CHL1: variants seen among roughly 807,000 people sequenced by gnomAD.
The protein encoded by CHL1 is neural cell adhesion molecule L1-like protein.
Under a neutral mutation model 141.9 loss-of-function variants are expected in CHL1, and 96 were observed. The ratio of observed to expected loss-of-function variants is 0.68; its 90% confidence interval spans 0.57 to 0.80. CHL1 has a LOEUF of 0.80. Among genes scored for constraint, CHL1 ranks in the 30% least tolerant of loss-of-function variants. The probability of loss-of-function intolerance (pLI) is 0.00; values close to 1 mark genes in which losing one functional copy is unlikely to be tolerated. For missense variants in CHL1, 1,820 were observed against 1,457.2 expected, an observed-to-expected ratio of 1.25 and a Z score of -4.05; for synonymous variants, 613 against 502.2, an observed-to-expected ratio of 1.22 and a Z score of -2.95.
chr3:269,743 C>T (rs1695473624), intron 2 of CHL1, among the ~76,000 whole-genome samples: 1 of 152,194 alleles, frequency 6.6e-6, no homozygotes. Context: ...TCACGCTGGT[C>T]TCAAACTTCT....
At chr3:388,660 T>A (rs1341600244) in intron 19 of CHL1, among the ~76,000 whole-genome samples, 1 of 151,810 alleles carries the variant, frequency 6.6e-6, no homozygotes, top group African/African-American at 2.4e-5. Flanking sequence ...AAATAAAGAA[T>A]GGTCAAGGAG....
chr3:367,221 G>C (rs1705015068), intron 15 of CHL1, among the ~76,000 whole-genome samples: 1 of 152,168 alleles, frequency 6.6e-6, no homozygotes, highest in Non-Finnish European at 1.5e-5. Context: ...ACTAAGTAAG[G>C]GTTAAAACTT....
In CHL1 at chr3:319,744, A is replaced by G; in HGVS notation, c.-33A>G. ...AGTGAGAGGAGACATTAAGATTTTC[A>G]TTCTTACCGGGTTGTCTTCTTCCTG... is the stretch of plus-strand genomic sequence containing the variant. On this transcript the variant is annotated 5_prime_UTR_variant, in exon 3 of 28. Transcript: ENST00000256509. 1 of 1,440,012 alleles carries G rather than the reference A, an allele frequency of 6.9e-7. No homozygotes were observed. The highest frequency in any genetic ancestry group is 1.2e-5 in the South Asian group (1 of 85,624). 89.2% of individuals were successfully genotyped at this position (1,440,012 alleles called of 1,614,324 possible).
chr3:233,689 G>T (rs533226750), intron 1 of CHL1, among the ~76,000 whole-genome samples: 1 of 151,978 alleles, frequency 6.6e-6, no homozygotes, highest in African/African-American at 2.4e-5. Flanking sequence ...AAAAAATTTT[G>T]TAGTGCTTTA....
At chr3:299,780 A>G (rs1309652573) in intron 2 of CHL1, among the ~76,000 whole-genome samples, 1 of 152,166 alleles carries the variant, frequency 6.6e-6, no homozygotes, top group Admixed American at 6.6e-5. Flanking sequence ...CACTAGGAGG[A>G]CAATTAGTCA....
intron 2 of CHL1, among the ~76,000 whole-genome samples, chr3:266,645 A>G (rs1259843934): frequency 1.3e-5 from 2 of 152,184 alleles, no homozygotes; most frequent in South Asian, 2.1e-4. Context: ...TCCTGCATCA[A>G]AGGGTTAAAG....
intron 2 of CHL1, among the ~76,000 whole-genome samples, chr3:296,463 T>A (rs331891): frequency 0.63 from 94,930 of 151,530 alleles, 32,044 homozygotes; most frequent in African/African-American, 0.89. Context: ...TAATCACTTC[T>A]TTATTATTTG....
intron 2 of CHL1, among the ~76,000 whole-genome samples, chr3:263,643 A>T (rs917875564): frequency 1.4e-4 from 22 of 152,324 alleles, no homozygotes; most frequent in African/African-American, 5.3e-4. Flanking sequence ...ATTTATTCAC[A>T]TAATTGATGT....
intron 18 of CHL1, 79 bp from the exon 19 acceptor site, chr3:383,737 T>C (rs1049053862): frequency 2.3e-6 from 2 of 868,116 alleles, no homozygotes; most frequent in Non-Finnish European, 3.8e-6. Context: ...ATCTGTGTTT[T>C]TGGGGGGCAG....
At chr3:334,183 A>G (rs1480581085) in intron 5 of CHL1, among the ~76,000 whole-genome samples, 3 of 152,046 alleles carry the variant, frequency 2.0e-5, no homozygotes, top group Non-Finnish European at 4.4e-5. Context: ...TAAGTGTATA[A>G]TTACTAGTTT....
chr3:275,264 G>A (rs575980265), intron 2 of CHL1, among the ~76,000 whole-genome samples: 7 of 152,272 alleles, frequency 4.6e-5, no homozygotes, highest in Admixed American at 3.3e-4. Context: ...TGTTATGGAG[G>A]CATTTTGCTA....
intron 3 of CHL1, 35 bp from the exon 4 acceptor site, chr3:325,924 A>G (rs1350946667): frequency 4.2e-6 from 6 of 1,426,922 alleles, no homozygotes; most frequent in Non-Finnish European, 5.9e-6. Flanking sequence ...TGCTGTTTGA[A>G]TAGTGTGTTT....
At position 319,785 on chromosome 3, in the gene CHL1, G is replaced by T. The variant is rs1044972919; in HGVS notation, c.9G>T (p.Pro3=). 2 of 1,604,682 alleles carry T rather than the reference G, an allele frequency of 1.2e-6. No homozygotes were observed. The highest frequency in any genetic ancestry group is 1.7e-6 in the Non-Finnish European group (2 of 1,173,970). ...CTTCTTCCTGAAGAGCAATGGAGCCGCTTTTACTTGGAAGAGGACTAATCG... is the reference window on the plus strand; with the variant it reads ...CTTCTTCCTGAAGAGCAATGGAGCCTCTTTTACTTGGAAGAGGACTAATCG... The part of the protein sequence containing the change: ME[P]LLLGRGLIVY... The change falls in exon 3 of 28, where the codon CCG becomes CCT. Residue 3 remains proline, a synonymous_variant. Transcript: ENST00000256509.
chr3:203,351 A>G (rs1034798027), intron 1 of CHL1, among the ~76,000 whole-genome samples: 8 of 152,262 alleles, frequency 5.3e-5, no homozygotes, highest in African/African-American at 1.9e-4. Flanking sequence ...TTCTCACAGT[A>G]TTGGACCTGA....
chr3:358,708 A>G (rs1703937538), intron 11 of CHL1, among the ~76,000 whole-genome samples: 1 of 152,012 alleles, frequency 6.6e-6, no homozygotes, highest in Non-Finnish European at 1.5e-5. Context: ...CAGTCAAGTG[A>G]AAAAAATCTT....
chr3:293,216 T>C (rs777398651), intron 2 of CHL1, among the ~76,000 whole-genome samples: 1 of 152,182 alleles, frequency 6.6e-6, no homozygotes, highest in South Asian at 2.1e-4. Flanking sequence ...CAAAAAAAAC[T>C]TGTGGCTGAG....
intron 1 of CHL1, among the ~76,000 whole-genome samples, chr3:201,561 T>A (rs1698944630): frequency 6.6e-6 from 1 of 152,090 alleles, no homozygotes; most frequent in African/African-American, 2.4e-5. Context: ...TCAATAAGAA[T>A]CACAACTAGA....
Position 406,755 on chromosome 3 carries a change from G to A in CHL1, c.*1044G>A, listed in dbSNP as rs1375213942. 6.6e-6 allele frequency: 1 copy of A among 152,046 alleles called. No homozygotes were observed. The highest frequency in any genetic ancestry group is 1.9e-4 in the East Asian group (1 of 5,186). 9.4% of individuals were successfully genotyped at this position (152,046 alleles called of 1,614,324 possible). On this transcript the variant is annotated 3_prime_UTR_variant, in exon 28 of 28. Transcript: ENST00000256509. Reference sequence around the variant, plus strand: ...ATTCCAGAGCTACAACTAATAACACGAGGTTCCAAAGCTGAAGACTTTGTA... The same window carrying A: ...ATTCCAGAGCTACAACTAATAACACAAGGTTCCAAAGCTGAAGACTTTGTA...
At chr3:388,517 A>G (rs1239625437) in intron 19 of CHL1, among the ~76,000 whole-genome samples, 2 of 150,584 alleles carry the variant, frequency 1.3e-5, no homozygotes, top group Non-Finnish European at 1.5e-5. Flanking sequence ...ACTGCAATCC[A>G]GCCTGGGCAG....
Sources: gnomAD v4.1 joint callset for allele counts (sites outside exome capture counted in the v4.1 genomes callset) on GRCh38, gnomAD v4.1.1 for gene constraint, MANE v1.5 for transcripts, NCBI Gene and HGNC (gene_info 2026-07-23, HGNC 2026-07-21) for gene names.